The following NOTCH4 variants were observed in gnomAD, a reference collection of about 807,000 sequenced individuals.
The protein encoded by NOTCH4 is notch receptor 4.
Under a neutral mutation model 189.0 loss-of-function variants are expected in NOTCH4, and 138 were observed. The observed-to-expected ratio is 0.73, with a 90% confidence interval of 0.64 to 0.84. The LOEUF is 0.84. Ranked by LOEUF, NOTCH4 falls within the 40% of genes least tolerant of loss-of-function variation. The pLI, the probability that NOTCH4 is intolerant of heterozygous loss-of-function variation, is 0.00. For missense variants in NOTCH4, 2,286 were observed against 2,605.4 expected (o/e 0.88, Z 2.67); for synonymous variants, 942 against 1,032.8 (o/e 0.91, Z 1.69).
chr6:32,216,898 T>C, intron 11 of NOTCH4, 47 bp downstream of exon 11: 1 of 1,610,650 alleles, frequency 6.2e-7, no homozygotes. Context: ...CCAACCCAAA[T>C]GGAATAAAAT....
rs921262745 is a variant in NOTCH4 at position 32,200,089 on chromosome 6, A to G, written c.4315+742T>C. Among the ~76,000 whole-genome samples the G allele has an allele frequency of 3.3e-5, 5 of 152,238 alleles. No individual in the cohort carries two copies. The highest frequency in any genetic ancestry group is 1.2e-4 in the African/African-American group (5 of 41,458). On this transcript the variant is annotated intron_variant, in intron 23 of 29. Transcript: ENST00000375023. This position sits in a 1 kb window ranked among gnomAD's most constrained non-coding sequence, Gnocchi z 5.0. ...GAAATCTGAAACACTTTTGTTCCCA[A>G]GCATTTCAGATAAGGGATACTCAAC...
chr6:32,217,334 C>T lies in NOTCH4; in HGVS notation c.1625-68G>A. On this transcript the variant is annotated intron_variant, in intron 9 of 29. Transcript: ENST00000375023. This position sits in a 1 kb window ranked among gnomAD's most constrained non-coding sequence, Gnocchi z 4.2. ...CGAGGGAGGCACAGCATGGCGCCTT[C>T]CCTTGCCAGGAAAGGTGAACTTGCA... 1 of 999,722 alleles carries T rather than the reference C, an allele frequency of 1.0e-6. No individual in the cohort carries two copies. The highest frequency in any genetic ancestry group is 1.6e-6 in the Non-Finnish European group (1 of 641,556). 61.9% of individuals were successfully genotyped at this position (999,722 alleles called of 1,614,324 possible). A position where few individuals can be genotyped will look rare whatever the true frequency, so the allele number is the denominator to read the frequency against.
chr6:32,209,483 TAGGAG>T (rs1788882433), intron 18 of NOTCH4, among the ~76,000 whole-genome samples: 1 of 152,210 alleles, frequency 6.6e-6, no homozygotes, highest in Non-Finnish European at 1.5e-5. Flanking sequence ...TCAAAATAAC[TAGGAG>T]AGAAGATTTG....
intron 28 of NOTCH4, among the ~76,000 whole-genome samples, 188 bp downstream of exon 28, chr6:32,196,737 T>G: frequency 6.6e-6 from 1 of 150,912 alleles, no homozygotes. Flanking sequence ...GGAGGGCCAG[T>G]GTGGTGTTGA....
Position 32,201,058 on chromosome 6 carries a change from C to T in NOTCH4, c.4140-52G>A, listed in dbSNP as rs765576098. 3 of 1,563,272 alleles carry T rather than the reference C, an allele frequency of 1.9e-6. No homozygotes were observed. Among genetic ancestry groups the T allele is most frequent in the Non-Finnish European group, 2.6e-6 (3 of 1,155,710 alleles). The stretch of plus-strand genomic sequence containing the variant: ...CTGTATTGGTCCCTGGCTCCCTTTC[C>T]TCCCTCTGCCCTCTTAAAAAAACTG... On this transcript the variant is annotated intron_variant, in intron 22 of 29. Coordinates refer to ENST00000375023, the MANE Select transcript of NOTCH4 (RefSeq NM_004557.4). This position sits in a 1 kb window ranked among gnomAD's most constrained non-coding sequence, Gnocchi z 5.5.
In NOTCH4 at chr6:32,210,626, G is replaced by A; in HGVS notation, c.2865+126C>T. ...GTGGCATGACTTTGTGGTTAGTTGG[G>A]TGTGTGGGGTTAAAAAAAATAAAAG... On this transcript the variant is annotated intron_variant, in intron 18 of 29. Transcript: ENST00000375023. The surrounding 1 kb of genome is among the most constrained non-coding windows in gnomAD (Gnocchi z 4.8). 1.1e-6 allele frequency: 1 copy of A among 876,692 alleles called. No individual in the cohort carries two copies. The highest frequency in any genetic ancestry group is 2.2e-5 in the Admixed American group (1 of 44,814). 54.3% of individuals were successfully genotyped at this position (876,692 alleles called of 1,614,324 possible).
intron 28 of NOTCH4, among the ~76,000 whole-genome samples, 165 bp downstream of exon 28, chr6:32,196,760 G>T (rs971179960): frequency 6.6e-6 from 1 of 152,064 alleles, no homozygotes; most frequent in African/African-American, 2.4e-5. Context: ...GTGGGAGTTG[G>T]GGGGGGAAAC....
chr6:32,201,417 TC>T lies in NOTCH4; in HGVS notation c.3838del (p.Asp1280MetfsTer24). 6.4e-7 allele frequency: 1 copy of T among 1,559,936 alleles called. No homozygotes were observed. Among genetic ancestry groups the T allele is most frequent in the Non-Finnish European group, 8.7e-7 (1 of 1,154,704 alleles). On this transcript the variant is annotated frameshift_variant, in exon 22 of 30. Coordinates refer to ENST00000375023, the MANE Select transcript of NOTCH4 (RefSeq NM_004557.4). LOFTEE classifies it high-confidence loss of function. The surrounding 1 kb of genome is among the most constrained non-coding windows in gnomAD (Gnocchi z 5.5). ...KGCNTAECGW[D>X]GGDCRPEDGD... ...ATCTTCAGGCCTGCAGTCACCTCCA[TC>T]CCAGCCACACTCTGCAGTGTTGCAG... is the stretch of plus-strand genomic sequence containing the variant.
Position 32,201,191 on chromosome 6 carries a change from C to T in NOTCH4, c.4065G>A (p.Arg1355=). 6.2e-7 allele frequency: 1 copy of T among 1,612,932 alleles called. No individual in the cohort carries two copies. ...CTGCTCTCTCCTGATAGGTGGGGTCCCGAGTTCCTCCTAGCTTTTCTTCAG... is the reference window on the plus strand; with the variant it reads ...CTGCTCTCTCCTGATAGGTGGGGTCTCGAGTTCCTCCTAGCTTTTCTTCAG... ...ARAEEKLGGT[R]DPTYQERAAP... The change falls in exon 22 of 30, where the codon CGG becomes CGA. Residue 1355 remains arginine (R), a synonymous_variant. Coordinates refer to ENST00000375023, the MANE Select transcript of NOTCH4 (RefSeq NM_004557.4). The surrounding 1 kb of genome is among the most constrained non-coding windows in gnomAD (Gnocchi z 5.5).
Position 32,197,312 on chromosome 6 carries a change from C to G in NOTCH4, c.5039G>C (p.Arg1680Pro), listed in dbSNP as rs766378003. 1 of 1,526,298 alleles carries G rather than the reference C, an allele frequency of 6.6e-7. No homozygotes were observed. The highest frequency in any genetic ancestry group is 1.4e-5 in the African/African-American group (1 of 72,514). 94.5% of individuals were successfully genotyped at this position (1,526,298 alleles called of 1,614,324 possible). ...GTGTGTGCTAACCTGGCAGACCTCC[C>G]GAGCATCAGCAGCCACAGCAGCATG... ...PLHAAVAADA[R>P]EVCQLLLRSR... Residue 1680 changes from arginine (R) to proline (P), a missense_variant, in exon 27 of 30, where the codon CGG (arginine) becomes CCG (proline). Physicochemically the swap from Arg to Pro is moderately radical, Grantham distance 103. Transcript: ENST00000375023.
At chr6:32,205,973 G>A (rs1182928469) in intron 18 of NOTCH4, among the ~76,000 whole-genome samples, 1 of 151,942 alleles carries the variant, frequency 6.6e-6, no homozygotes, top group East Asian at 2.0e-4. Flanking sequence ...GGAGGTAGAG[G>A]TTGCAGTGAG....
intron 2 of NOTCH4, 94 bp from the exon 3 acceptor site, chr6:32,222,900 C>G: frequency 6.5e-7 from 1 of 1,547,790 alleles, no homozygotes; most frequent in Non-Finnish European, 8.9e-7. Flanking sequence ...CCCTTCATCT[C>G]CTTCACTTCC....
rs140743611 is a variant in NOTCH4, at chr6:32,212,612, A to C, written c.2542T>G (p.Cys848Gly). 2 of 1,611,838 alleles carry C rather than the reference A, an allele frequency of 1.2e-6. No individual in the cohort carries two copies. Among genetic ancestry groups the C allele is most frequent in the African/African-American group, 2.7e-5 (2 of 74,888 alleles). Reference protein sequence around the residue: ...GGSCQTLMDLCAQKPCPRNSH... With the variant: ...GGSCQTLMDLGAQKPCPRNSH... ...TTGCGTGGGCAGGGCTTCTGGGCAC[A>C]TAAGTCCATCAGAGTCTGAGGGGTG... Residue 848 changes from cysteine to glycine, a missense_variant, in exon 17 of 30, where the codon TGT (cysteine) becomes GGT (glycine). This residue lies in a region of NOTCH4 where 1,903 missense variants were observed against 2,261.9 expected (regional missense o/e 0.84). Coordinates refer to ENST00000375023, the MANE Select transcript of NOTCH4 (RefSeq NM_004557.4). The surrounding 1 kb of genome is among the most constrained non-coding windows in gnomAD (Gnocchi z 4.4).
chr6:32,219,198 A>C (rs1271166746), intron 8 of NOTCH4, among the ~76,000 whole-genome samples: 2 of 152,140 alleles, frequency 1.3e-5, no homozygotes, highest in Non-Finnish European at 2.9e-5. Context: ...ATTACCTTGA[A>C]TCTCTACATG....
chr6:32,198,693 C>T lies in NOTCH4; in HGVS notation c.4573G>A (p.Val1525Ile). 6.2e-7 allele frequency: 1 copy of T among 1,612,778 alleles called. No individual in the cohort carries two copies. The highest frequency in any genetic ancestry group is 8.5e-7 in the Non-Finnish European group (1 of 1,179,870). ...KPKAEVDEDG[V>I]VMCSGPEEGE... ...TCCTCAGGGCCTGAGCACATCACAACTCCATCCTCATCAACTTCTGCCTTT... is the reference window on the plus strand; with the variant it reads ...TCCTCAGGGCCTGAGCACATCACAATTCCATCCTCATCAACTTCTGCCTTT... Residue 1525 changes from valine to isoleucine, a missense_variant, in exon 25 of 30, where the codon GTT (valine) becomes ATT (isoleucine). Physicochemically the swap from Val to Ile is conservative, Grantham distance 29. Coordinates refer to ENST00000375023, the MANE Select transcript of NOTCH4 (RefSeq NM_004557.4). This position sits in a 1 kb window ranked among gnomAD's most constrained non-coding sequence, Gnocchi z 5.5.
Position 32,214,167 on chromosome 6 carries a change from C to G in NOTCH4, c.2110G>C (p.Gly704Arg), listed in dbSNP as rs1163917148. 1 of 1,613,602 alleles carries G rather than the reference C, an allele frequency of 6.2e-7. No homozygotes were observed. Among genetic ancestry groups the G allele is most frequent in the Non-Finnish European group, 8.5e-7 (1 of 1,179,842 alleles). The stretch of plus-strand genomic sequence containing the variant: ...CCAGAGGGCTGGGGGTAGCAGGTCC[C>G]CCCATGGGCACAGGGTGCAGAGATG... Reference protein sequence around the residue: ...GCISAPCAHGGTCYPQPSGYN... With the variant: ...GCISAPCAHGRTCYPQPSGYN... The change falls in exon 13 of 30, where the codon GGG (glycine) becomes CGG (arginine). Residue 704 changes from glycine (G) to arginine (R), a missense_variant. By Grantham distance (125) the Gly-to-Arg change is moderately radical. Transcript: ENST00000375023.
intron 18 of NOTCH4, among the ~76,000 whole-genome samples, 172 bp from the exon 19 acceptor site, chr6:32,204,561 G>A (rs569440915): frequency 2.0e-5 from 3 of 152,256 alleles, no homozygotes; most frequent in African/African-American, 7.2e-5. Flanking sequence ...AACTCCCCAT[G>A]AGACACAATT....
rs780411806 is a variant in NOTCH4, at chr6:32,210,712, C to T, written c.2865+40G>A. 4 of 1,597,504 alleles carry T rather than the reference C, an allele frequency of 2.5e-6. No individual in the cohort carries two copies. The highest frequency in any genetic ancestry group is 2.6e-6 in the Non-Finnish European group (3 of 1,167,660). On this transcript the variant is annotated intron_variant, in intron 18 of 29. Coordinates refer to ENST00000375023, the MANE Select transcript of NOTCH4 (RefSeq NM_004557.4). The surrounding 1 kb of genome is among the most constrained non-coding windows in gnomAD (Gnocchi z 4.8). ...ACTACTGTCTCTCCCATCCAGCCCA[C>T]CCTTGTCTTTCCTCCCCCTTCTCCT...
Position 32,201,166 on chromosome 6 carries a change from C to G in NOTCH4, c.4090G>C (p.Ala1364Pro). The change falls in exon 22 of 30, where the codon GCC (alanine) becomes CCC (proline). Residue 1364 changes from alanine to proline, a missense_variant. Physicochemically the swap from Ala to Pro is conservative, Grantham distance 27 (BLOSUM62 -1). This residue lies in a region of NOTCH4 where 1,903 missense variants were observed against 2,261.9 expected (regional missense o/e 0.84). Transcript: ENST00000375023. The surrounding 1 kb of genome is among the most constrained non-coding windows in gnomAD (Gnocchi z 5.5). Reference sequence around the variant, plus strand: ...TTGCCCAGGGGCTGCGTTTGAGGGGCTGCTCTCTCCTGATAGGTGGGGTCC... The same window carrying G: ...TTGCCCAGGGGCTGCGTTTGAGGGGGTGCTCTCTCCTGATAGGTGGGGTCC... ...TRDPTYQERA[A>P]PQTQPLGKET... The G allele has an allele frequency of 1.9e-6, 3 of 1,612,710 alleles. No homozygotes were observed. The highest frequency in any genetic ancestry group is 2.5e-6 in the Non-Finnish European group (3 of 1,179,816).
Sources: gnomAD v4.1 joint callset for allele counts (sites outside exome capture counted in the v4.1 genomes callset) on GRCh38, gnomAD v4.1.1 for gene constraint, gnomAD v4.1.1 regional missense constraint, Gnocchi (gnomAD v3.1) non-coding constraint, MANE v1.5 for transcripts, NCBI Gene and HGNC (gene_info 2026-07-23, HGNC 2026-07-21) for gene names.